ERBB4: variants seen among roughly 807,000 people sequenced by gnomAD.
ERBB4 encodes the protein erb-b2 receptor tyrosine kinase 4.
A neutral mutation model predicts 158.0 loss-of-function variants in ERBB4; 42 were observed. The observed-to-expected ratio is 0.27, with a 90% CI of 0.21 to 0.34. The LOEUF (loss-of-function observed/expected upper bound fraction) is 0.34. Ranked by LOEUF, ERBB4 falls within the 10% of genes least tolerant of loss-of-function variation. The probability of loss-of-function intolerance (pLI) is 1.00; values close to 1 mark genes in which losing one functional copy is unlikely to be tolerated. For synonymous variants in ERBB4, 583 were observed against 558.7 expected, an observed-to-expected ratio of 1.04 and a Z score of -0.61; for missense variants, 1,333 against 1,624.1, an observed-to-expected ratio of 0.82 and a Z score of 3.08.
intron 14 of ERBB4, among the ~76,000 whole-genome samples, chr2:211,667,535 C>T (rs1255439021): frequency 1.3e-5 from 2 of 151,316 alleles, no homozygotes; most frequent in Non-Finnish European, 2.9e-5. Context: ...AAAAAGAATA[C>T]TTCACATCCT....
intron 1 of ERBB4, among the ~76,000 whole-genome samples, chr2:212,192,015 T>A: frequency 2.3e-5 from 1 of 43,372 alleles, no homozygotes; most frequent in African/African-American, 9.1e-5. Context: ...ATAATATATG[T>A]TATATGTTAT....
At chr2:211,947,375 AATTGCC>A in intron 3 of ERBB4, 49 bp downstream of exon 3, 1 of 1,387,434 alleles carries the variant, frequency 7.2e-7, no homozygotes, top group Non-Finnish European at 1.0e-6. Flanking sequence ...CTACATATAC[AATTGCC>A]TTATATTGAT....
intron 25 of ERBB4, among the ~76,000 whole-genome samples, chr2:211,417,309 C>CA (rs1399880721): frequency 7.1e-6 from 1 of 141,394 alleles, no homozygotes; most frequent in South Asian, 2.7e-4. Flanking sequence ...CCTGTCTCTA[C>CA]AAAAAAATAT....
intron 20 of ERBB4, among the ~76,000 whole-genome samples, chr2:211,554,565 C>T (rs2067187861): frequency 6.6e-6 from 1 of 152,222 alleles, no homozygotes; most frequent in African/African-American, 2.4e-5. Context: ...ATGCTCGCCC[C>T]ACTTTCCTGT....
rs934425786 is a variant in ERBB4 at position 211,787,943 on chromosome 2, G to C, written c.556+82C>G. ...AATGCAATCAAAGTTCAAAATATTA[G>C]TAATGACATAATAAGCATAACTCAT... On this transcript the variant is annotated intron_variant, in intron 4 of 27. Transcript: ENST00000342788. 24 of 1,380,766 alleles carry C rather than the reference G, an allele frequency of 1.7e-5. No homozygotes were observed. In the African/African-American group the frequency reaches 3.1e-4, roughly 18 times the overall value. The allele number at this position is 1,380,766 out of a possible 1,614,324, so 85.5% of individuals were successfully genotyped here.
Position 211,375,816 on chromosome 2 carries a change from T to G in ERBB4, c.*7799A>C, listed in dbSNP as rs2062462966. On this transcript the variant is annotated 3_prime_UTR_variant, in exon 28 of 28. Coordinates refer to ENST00000342788, the MANE Select transcript of ERBB4 (RefSeq NM_005235.3). ...AAAAGGCAGAACAGTTTTCAAATTG[T>G]TCAGCTGGGATGATCAGTATGGAAT... is the stretch of plus-strand genomic sequence containing the variant. 1 of 232,492 alleles carries G rather than the reference T, an allele frequency of 4.3e-6. No individual in the cohort carries two copies. Among genetic ancestry groups the G allele is most frequent in the Non-Finnish European group, 8.5e-6 (1 of 117,440 alleles). The allele number at this position is 232,492 out of a possible 1,614,324, so 14.4% of individuals were successfully genotyped here.
At chr2:211,507,663 A>G (rs1051720519) in intron 20 of ERBB4, among the ~76,000 whole-genome samples, 1 of 152,056 alleles carries the variant, frequency 6.6e-6, no homozygotes, top group East Asian at 1.9e-4. Context: ...TTCCTATTCA[A>G]TAAATGATGC....
intron 20 of ERBB4, among the ~76,000 whole-genome samples, chr2:211,453,969 G>A (rs2064316241): frequency 6.6e-6 from 1 of 152,156 alleles, no homozygotes; most frequent in Non-Finnish European, 1.5e-5. Flanking sequence ...AATGGAGAAA[G>A]TCCAATGTTC....
In ERBB4 at chr2:211,556,206, G is replaced by A. The variant is rs142461602; in HGVS notation, c.2487+5697C>T. 2.6e-3 allele frequency among the ~76,000 whole-genome samples: 395 copies of A among 152,318 alleles called. 3 individuals carry two copies. Among genetic ancestry groups the A allele is most frequent in the African/African-American group, 9.0e-3 (374 of 41,578 alleles). On this transcript the variant is annotated intron_variant, in intron 20 of 27. Coordinates refer to ENST00000342788, the MANE Select transcript of ERBB4 (RefSeq NM_005235.3). ...AAGACAAAAAGGGGCATTACATAAT[G>A]GTAAAGTGTTCAATTCAACAAGAAG...
chr2:212,039,842 AAAAAGAAAAG>A (rs564872169), intron 2 of ERBB4, among the ~76,000 whole-genome samples: 2 of 152,168 alleles, frequency 1.3e-5, no homozygotes, highest in South Asian at 2.1e-4. Context: ...CCACCACAAA[AAAAAGAAAAG>A]AAAAGAAAAG....
At chr2:212,327,728 C>CTTTTTTTTTTT (rs11413473) in intron 1 of ERBB4, among the ~76,000 whole-genome samples, 2 of 133,372 alleles carry the variant, frequency 1.5e-5, no homozygotes. Flanking sequence ...TTCTTTTTTT[C>CTTTTTTTTTTT]TTTTTTTTTT....
chr2:212,035,771 C>T (rs937935932), intron 2 of ERBB4, among the ~76,000 whole-genome samples: 1 of 152,144 alleles, frequency 6.6e-6, no homozygotes, highest in African/African-American at 2.4e-5. Context: ...TCAGCAGATA[C>T]AATAAGTATT....
chr2:211,850,263 G>A (rs768692), intron 3 of ERBB4, among the ~76,000 whole-genome samples: 36,510 of 151,634 alleles, frequency 0.24, 5,349 homozygotes, highest in East Asian at 0.41. Flanking sequence ...GTTGAGTTTA[G>A]TCTTTGAGTT....
chr2:211,719,393 T>A (rs996006180), intron 7 of ERBB4, among the ~76,000 whole-genome samples: 3 of 152,068 alleles, frequency 2.0e-5, no homozygotes, highest in Non-Finnish European at 4.4e-5. Context: ...ACCACCTTTT[T>A]CCCGAACACA....
At chr2:212,244,049 C>T (rs566397856) in intron 1 of ERBB4, among the ~76,000 whole-genome samples, 28 of 152,042 alleles carry the variant, frequency 1.8e-4, no homozygotes, top group South Asian at 8.3e-4. Context: ...ATTATGTACA[C>T]GATCTTCTAG....
intron 1 of ERBB4, among the ~76,000 whole-genome samples, chr2:212,238,212 C>T (rs2083950289): frequency 6.6e-6 from 1 of 152,202 alleles, no homozygotes. Flanking sequence ...GTGGCATAGG[C>T]ACCCAAGGGA....
chr2:211,713,532 C>CA lies in ERBB4; in HGVS notation c.997+2dup. 6.4e-7 allele frequency: 1 copy of CA among 1,554,128 alleles called. No homozygotes were observed. Among genetic ancestry groups the CA allele is most frequent in the Non-Finnish European group, 8.9e-7 (1 of 1,125,516 alleles). ...TAACTAAATAATCTGAGCTACCACT[C>CA]ACCTTTTGGGCAAATGTCAGTGCAA... On this transcript the variant is annotated splice_region_variant and intron_variant, in intron 8 of 27. Coordinates refer to ENST00000342788, the MANE Select transcript of ERBB4 (RefSeq NM_005235.3).
chr2:211,992,035 G>A (rs1007842845), intron 2 of ERBB4, among the ~76,000 whole-genome samples: 2 of 152,140 alleles, frequency 1.3e-5, no homozygotes, highest in Non-Finnish European at 2.9e-5. Context: ...TTTTCCTGTC[G>A]TCTTCTGAAC....
chr2:211,867,025 A>C (rs74586544), intron 3 of ERBB4, among the ~76,000 whole-genome samples: 184 of 26,006 alleles, frequency 7.1e-3, no homozygotes, highest in African/African-American at 0.022. Flanking sequence ...CCTTAAAACC[A>C]AAAAAAAAAA....
Sources: gnomAD v4.1 joint callset for allele counts (sites outside exome capture counted in the v4.1 genomes callset) on GRCh38, gnomAD v4.1.1 for gene constraint, MANE v1.5 for transcripts, NCBI Gene and HGNC (gene_info 2026-07-23, HGNC 2026-07-21) for gene names.